Variants in FHIT observed in about 807,000 individuals in gnomAD.
FHIT encodes fragile histidine triad diadenosine triphosphatase, also known as bis(5'-adenosyl)-triphosphatase.
Under a neutral mutation model 17.9 loss-of-function variants are expected in FHIT, and 19 were observed. The ratio of observed to expected loss-of-function variants is 1.06; its 90% CI spans 0.74 to 1.56. The LOEUF (loss-of-function observed/expected upper bound fraction) is 1.56. FHIT is among the 40% of genes most tolerant of loss of function. The probability of loss-of-function intolerance (pLI) is 0.00; values close to 1 mark genes in which losing one functional copy is unlikely to be tolerated. For synonymous variants in FHIT, 81 were observed against 69.7 expected, an observed-to-expected ratio of 1.16 and a Z score of -0.81; for missense variants, 248 against 189.2, an observed-to-expected ratio of 1.31 and a Z score of -1.82.
chr3:61,058,855 C>A (rs2034323982), intron 2 of FHIT, among the ~76,000 whole-genome samples: 1 of 152,126 alleles, frequency 6.6e-6, no homozygotes, highest in African/African-American at 2.4e-5. Context: ...AAACAATGTC[C>A]AGAGAAGAGG....
At chr3:60,450,570 A>G (rs1336591246) in intron 5 of FHIT, among the ~76,000 whole-genome samples, 2 of 152,174 alleles carry the variant, frequency 1.3e-5, no homozygotes, top group African/African-American at 4.8e-5. Flanking sequence ...AATGAGAGAA[A>G]GATAATGCAG....
intron 8 of FHIT, among the ~76,000 whole-genome samples, chr3:59,754,131 C>G (rs1701073702): frequency 6.6e-6 from 1 of 152,112 alleles, no homozygotes. Flanking sequence ...TTTATTGCAG[C>G]TCAACATTGA....
At chr3:60,303,473 C>T (rs1708530387) in intron 5 of FHIT, among the ~76,000 whole-genome samples, 1 of 152,170 alleles carries the variant, frequency 6.6e-6, no homozygotes, top group Non-Finnish European at 1.5e-5. Context: ...GGCAAAGCAG[C>T]ATTCACTAAT....
chr3:59,921,574 G>T (rs1316364730), intron 8 of FHIT, among the ~76,000 whole-genome samples: 1 of 152,130 alleles, frequency 6.6e-6, no homozygotes, highest in South Asian at 2.1e-4. Flanking sequence ...ATCACTCCAG[G>T]GCACTAGTGC....
chr3:59,787,908 A>G (rs1699383307), intron 8 of FHIT, among the ~76,000 whole-genome samples: 1 of 152,126 alleles, frequency 6.6e-6, no homozygotes, highest in Non-Finnish European at 1.5e-5. Flanking sequence ...CCTAGCTACC[A>G]TCTATGTGCT....
chr3:59,749,440 A>G lies in FHIT; in HGVS notation c.*145T>C, dbSNP rs1700763729. On this transcript the variant is annotated 3_prime_UTR_variant, in exon 10 of 10. Coordinates refer to ENST00000492590, the MANE Select transcript of FHIT (RefSeq NM_002012.4). ...GTTGGAGTGACCGAGGTGGGGGATCACTGGTTGAAGAATACAGGATGGTGA... is the reference window on the plus strand; with the variant it reads ...GTTGGAGTGACCGAGGTGGGGGATCGCTGGTTGAAGAATACAGGATGGTGA... The G allele has an allele frequency of 1.3e-5, 3 of 231,680 alleles. No homozygotes were observed. Among genetic ancestry groups the G allele is most frequent in the South Asian group, 3.6e-4 (2 of 5,506 alleles). 14.4% of individuals were successfully genotyped at this position (231,680 alleles called of 1,614,324 possible).
chr3:60,204,197 T>C (rs1703050481), intron 5 of FHIT, among the ~76,000 whole-genome samples: 3 of 152,158 alleles, frequency 2.0e-5, no homozygotes. Flanking sequence ...ACTCCATTAA[T>C]ATATATACCT....
intron 6 of FHIT, among the ~76,000 whole-genome samples, chr3:60,012,032 G>A (rs1168094659): frequency 6.6e-6 from 1 of 152,056 alleles, no homozygotes; most frequent in African/African-American, 2.4e-5. Context: ...ACAAAGCAAT[G>A]GCTCCACAAT....
rs141958243 is a variant in FHIT at position 60,095,122 on chromosome 3, C to G, written c.104-80970G>C. Among the ~76,000 whole-genome samples, 672 of 152,240 alleles carry G rather than the reference C, an allele frequency of 4.4e-3. 3 individuals are homozygous for G. The highest frequency in any genetic ancestry group is 0.014 in the African/African-American group (581 of 41,540). ...CAATTATGAAGCAGGAAGTAAAAAGCTGAGATAAAGACTTATCTCAAAAAG... is the reference window on the plus strand; with the variant it reads ...CAATTATGAAGCAGGAAGTAAAAAGGTGAGATAAAGACTTATCTCAAAAAG... On this transcript the variant is annotated intron_variant, in intron 5 of 9. Coordinates refer to ENST00000492590, the MANE Select transcript of FHIT (RefSeq NM_002012.4).
chr3:59,781,905 G>C (rs1025877015), intron 8 of FHIT, among the ~76,000 whole-genome samples: 1 of 152,160 alleles, frequency 6.6e-6, no homozygotes, highest in Non-Finnish European at 1.5e-5. Context: ...CTGAGACTCT[G>C]GTGCTCAAGC....
chr3:60,296,648 T>A (rs982630909), intron 5 of FHIT, among the ~76,000 whole-genome samples: 5 of 152,204 alleles, frequency 3.3e-5, no homozygotes, highest in East Asian at 1.9e-4. Flanking sequence ...AGAAATTTTT[T>A]AAATTTTGAA....
rs373823852 is a variant in FHIT, at chr3:60,687,095, G to A, written c.-18+134824C>T. The stretch of plus-strand genomic sequence containing the variant: ...TGAAAGTAATATTTACAATGTTAAC[G>A]TTAAATAACATACCTTGCTACAGGT... On this transcript the variant is annotated intron_variant, in intron 4 of 9. Transcript: ENST00000492590. Among the ~76,000 whole-genome samples the A allele has an allele frequency of 5.4e-4, 82 of 152,258 alleles. 1 individual carries two copies. Among genetic ancestry groups the A allele is most frequent in the African/African-American group, 1.6e-3 (67 of 41,554 alleles).
intron 5 of FHIT, among the ~76,000 whole-genome samples, chr3:60,432,517 T>C (rs1702953986): frequency 6.6e-6 from 1 of 152,094 alleles, no homozygotes. Flanking sequence ...ATATAGCATT[T>C]TTATCTTAAC....
At chr3:59,919,050 T>G (rs1705277032) in intron 8 of FHIT, among the ~76,000 whole-genome samples, 1 of 152,206 alleles carries the variant, frequency 6.6e-6, no homozygotes, top group African/African-American at 2.4e-5. Context: ...ACAATATGTT[T>G]CACTAGGCAG....
rs61056807 is a variant in FHIT at position 60,772,314 on chromosome 3, C to CTATATATATATATATATATA, written c.-18+49585_-18+49604dup. ...ATTAAGTAGATTGTTCACTTCTCAT[C>CTATATATATATATATATATA]TATATATATATATATATATATATAT... On this transcript the variant is annotated intron_variant, in intron 4 of 9. Transcript: ENST00000492590. 2.1e-4 allele frequency among the ~76,000 whole-genome samples: 30 copies of CTATATATATATATATATATA among 143,358 alleles called. 1 individual carries two copies. The highest frequency in any genetic ancestry group is 7.0e-4 in the African/African-American group (27 of 38,822). 94.0% of individuals were successfully genotyped at this position (143,358 alleles called of 152,430 possible).
chr3:60,306,361 G>A (rs1247801311), intron 5 of FHIT, among the ~76,000 whole-genome samples: 1 of 152,022 alleles, frequency 6.6e-6, no homozygotes, highest in East Asian at 1.9e-4. Context: ...ATTTGTTTGA[G>A]GAAACTAAAG....
At chr3:60,959,633 G>T (rs943788755) in intron 3 of FHIT, among the ~76,000 whole-genome samples, 1 of 152,058 alleles carries the variant, frequency 6.6e-6, no homozygotes, top group East Asian at 1.9e-4. Context: ...GAGAGAAAAT[G>T]AAGCCACTGG....
At chr3:60,426,680 T>C (rs1225946407) in intron 5 of FHIT, among the ~76,000 whole-genome samples, 1 of 152,138 alleles carries the variant, frequency 6.6e-6, no homozygotes, top group East Asian at 1.9e-4. Flanking sequence ...TTACAAATTA[T>C]TCACCGTTTG....
chr3:60,148,996 G>C (rs1173917043), intron 5 of FHIT, among the ~76,000 whole-genome samples: 2 of 152,152 alleles, frequency 1.3e-5, no homozygotes, highest in Admixed American at 1.3e-4. Context: ...CCACCATCAA[G>C]AGGAGGTTCC....
Sources: gnomAD v4.1 joint callset for allele counts (sites outside exome capture counted in the v4.1 genomes callset) on GRCh38, gnomAD v4.1.1 for gene constraint, MANE v1.5 for transcripts, NCBI Gene and HGNC (gene_info 2026-07-23, HGNC 2026-07-21) for gene names.